The following NKAIN2 variants were observed in gnomAD, a reference collection of about 807,000 sequenced individuals.
The protein encoded by NKAIN2 is sodium/potassium transporting ATPase interacting 2.
NKAIN2 carries 14 observed loss-of-function variants against 32.6 expected under a neutral mutation model. That is an observed-to-expected ratio of 0.43 (90% CI 0.28 to 0.67). NKAIN2 has a LOEUF of 0.67. Among genes scored for constraint, NKAIN2 ranks in the 30% least tolerant of loss-of-function variants. The pLI, the probability that NKAIN2 is intolerant of heterozygous loss-of-function variation, is 0.17. For missense variants in NKAIN2, 198 were observed against 258.3 expected (o/e 0.77, Z 1.60); for synonymous variants, 80 against 87.2 (o/e 0.92, Z 0.46).
intron 1 of NKAIN2, among the ~76,000 whole-genome samples, chr6:123,945,989 C>T (rs989311588): frequency 2.0e-5 from 3 of 152,002 alleles, no homozygotes; most frequent in Non-Finnish European, 4.4e-5. Flanking sequence ...TAACGTTTTC[C>T]TTATGTCAAT....
chr6:123,856,909 G>A (rs1054535913), intron 1 of NKAIN2, among the ~76,000 whole-genome samples: 2 of 152,026 alleles, frequency 1.3e-5, no homozygotes, highest in African/African-American at 4.8e-5. Flanking sequence ...TTGATTTCTG[G>A]TACCAAAAGC....
At chr6:124,141,255 G>A (rs1434655922) in intron 1 of NKAIN2, among the ~76,000 whole-genome samples, 2 of 152,148 alleles carry the variant, frequency 1.3e-5, no homozygotes, top group African/African-American at 4.8e-5. Flanking sequence ...TATTTCAGGG[G>A]GATTCACAAA....
intron 4 of NKAIN2, among the ~76,000 whole-genome samples, chr6:124,769,559 TA>T (rs113833727): frequency 6.6e-6 from 1 of 152,102 alleles, no homozygotes; most frequent in East Asian, 1.9e-4. Context: ...TGAAAGATTA[TA>T]AAAAAACTCA....
At chr6:124,198,763 T>C (rs1790451161) in intron 1 of NKAIN2, among the ~76,000 whole-genome samples, 1 of 152,090 alleles carries the variant, frequency 6.6e-6, no homozygotes, top group Admixed American at 6.6e-5. Context: ...GGCATTTTTA[T>C]GGTGGTCCAC....
At chr6:123,871,769 C>A (rs1772901222) in intron 1 of NKAIN2, among the ~76,000 whole-genome samples, 1 of 152,122 alleles carries the variant, frequency 6.6e-6, no homozygotes, top group Non-Finnish European at 1.5e-5. Context: ...ATGTCTGCTG[C>A]CATTCTTATG....
chr6:124,284,927 T>G (rs901048492), intron 2 of NKAIN2, among the ~76,000 whole-genome samples: 1 of 152,148 alleles, frequency 6.6e-6, no homozygotes. Flanking sequence ...AAATTTGGGC[T>G]TTCTATGTAT....
At chr6:124,574,353 C>T (rs1042621372) in intron 3 of NKAIN2, among the ~76,000 whole-genome samples, 2 of 151,704 alleles carry the variant, frequency 1.3e-5, no homozygotes, top group Non-Finnish European at 2.9e-5. Flanking sequence ...CACAGTGGCT[C>T]ACACCTGTAA....
chr6:124,573,186 C>T (rs950434000), intron 3 of NKAIN2, among the ~76,000 whole-genome samples: 1 of 152,102 alleles, frequency 6.6e-6, no homozygotes, highest in African/African-American at 2.4e-5. Context: ...TGGTTAAGCC[C>T]CTGACAGTGG....
intron 3 of NKAIN2, among the ~76,000 whole-genome samples, chr6:124,511,083 C>G: frequency 6.6e-6 from 1 of 152,066 alleles, no homozygotes; most frequent in East Asian, 1.9e-4. Context: ...AAATGAGTCA[C>G]AACCAGCAGT....
chr6:124,478,677 T>C (rs1195531653), intron 3 of NKAIN2, among the ~76,000 whole-genome samples: 2 of 152,208 alleles, frequency 1.3e-5, no homozygotes, highest in Non-Finnish European at 2.9e-5. Context: ...TCTATTCTGA[T>C]ATAAGTAAAT....
intron 4 of NKAIN2, among the ~76,000 whole-genome samples, chr6:124,726,065 G>A (rs563853143): frequency 8.5e-5 from 13 of 152,298 alleles, no homozygotes; most frequent in East Asian, 3.9e-4. Context: ...CTACGCCCAC[G>A]GAGTCTCGCT....
intron 3 of NKAIN2, among the ~76,000 whole-genome samples, chr6:124,470,845 CTT>C (rs1407984486): frequency 8.5e-5 from 13 of 152,162 alleles, no homozygotes; most frequent in Admixed American, 7.2e-4. Flanking sequence ...TAAACTTACT[CTT>C]TTAGCTTTGC....
At position 123,832,544 on chromosome 6, in the gene NKAIN2, C is replaced by T. The variant is rs999218560; in HGVS notation, c.54+28290C>T. Among the ~76,000 whole-genome samples, 7 of 152,054 alleles carry T rather than the reference C, an allele frequency of 4.6e-5. No individual in the cohort carries two copies. In the South Asian group the frequency reaches 8.3e-4, roughly 18 times the overall value. On this transcript the variant is annotated intron_variant, in intron 1 of 6. Coordinates refer to ENST00000368417, the MANE Select transcript of NKAIN2 (RefSeq NM_001040214.3). ...GAATACATTTAATTTTGTAAGAAAC[C>T]GCTAAACTGTCTTCCAAAGTGGCTG...
intron 1 of NKAIN2, among the ~76,000 whole-genome samples, chr6:123,879,472 C>T (rs952448339): frequency 6.6e-6 from 1 of 152,160 alleles, no homozygotes; most frequent in African/African-American, 2.4e-5. Context: ...TATCAATTCT[C>T]ATTGCTCATG....
At chr6:123,868,425 G>A (rs145045919) in intron 1 of NKAIN2, among the ~76,000 whole-genome samples, 2 of 152,244 alleles carry the variant, frequency 1.3e-5, no homozygotes, top group African/African-American at 4.8e-5. Flanking sequence ...AAGAGTTTTT[G>A]TACGTATTAA....
chr6:124,452,195 G>GAAAAAAAA (rs11300457), intron 3 of NKAIN2, among the ~76,000 whole-genome samples: 1 of 133,396 alleles, frequency 7.5e-6, no homozygotes. Context: ...ACATCATCTC[G>GAAAAAAAA]AAAAAAAAAA....
intron 3 of NKAIN2, among the ~76,000 whole-genome samples, chr6:124,560,353 G>A (rs184597649): frequency 5.2e-4 from 79 of 152,276 alleles, no homozygotes; most frequent in Non-Finnish European, 1.3e-4. Context: ...TGCCATGATT[G>A]TAAGTTTCCT....
intron 3 of NKAIN2, among the ~76,000 whole-genome samples, chr6:124,438,844 T>A (rs887931521): frequency 6.6e-6 from 1 of 152,154 alleles, no homozygotes; most frequent in Admixed American, 6.6e-5. Context: ...ACAACAGCCA[T>A]CTGTTTTTCC....
At chr6:124,802,754 T>C (rs1182039218) in intron 5 of NKAIN2, among the ~76,000 whole-genome samples, 2 of 152,182 alleles carry the variant, frequency 1.3e-5, no homozygotes, top group Non-Finnish European at 2.9e-5. Flanking sequence ...CTATCTATTC[T>C]TTTTCCTTGT....
Sources: gnomAD v4.1 joint callset for allele counts (sites outside exome capture counted in the v4.1 genomes callset) on GRCh38, gnomAD v4.1.1 for gene constraint, MANE v1.5 for transcripts, NCBI Gene and HGNC (gene_info 2026-07-23, HGNC 2026-07-21) for gene names.